The following SIPA1L2 variants were observed in gnomAD, a reference collection of about 807,000 sequenced individuals.
SIPA1L2 encodes the protein signal induced proliferation associated 1 like 2, also known as signal-induced proliferation-associated 1-like protein 2.
SIPA1L2 carries 56 observed loss-of-function variants against 163.9 expected under a neutral mutation model. The ratio of observed to expected loss-of-function variants is 0.34; its 90% confidence interval spans 0.28 to 0.43. The LOEUF is 0.43. Ranked by LOEUF, SIPA1L2 falls within the 20% of genes least tolerant of loss-of-function variation. SIPA1L2 has a pLI of 1.00. For synonymous variants in SIPA1L2, 877 were observed against 865.7 expected (o/e 1.01, Z -0.23); for missense variants, 1,974 against 2,193.5 (o/e 0.90, Z 2.00).
In SIPA1L2 at chr1:232,514,377, G is replaced by A. The variant is rs1667120231; in HGVS notation, c.963C>T (p.Arg321=). The stretch of plus-strand genomic sequence containing the variant: ...CAAAACATCGCTGACAATTCCAAGG[G>A]CGAATGCCCCTCTCCAGTCGGCTCT... ...LEESRLERGI[R]PWNCQRCFAH... is the part of the protein sequence containing the mutation. The change falls in exon 3 of 23, where the codon CGC becomes CGT. Residue 321 remains arginine, a synonymous_variant. Coordinates refer to ENST00000674635, the MANE Select transcript of SIPA1L2 (RefSeq NM_020808.5). 1 of 1,613,752 alleles carries A rather than the reference G, an allele frequency of 6.2e-7. No individual in the cohort carries two copies. The highest frequency in any genetic ancestry group is 8.5e-7 in the Non-Finnish European group (1 of 1,180,036).
At chr1:232,463,865 G>A (rs889158886) in intron 9 of SIPA1L2, among the ~76,000 whole-genome samples, 2 of 152,096 alleles carry the variant, frequency 1.3e-5, no homozygotes, top group African/African-American at 4.8e-5. Context: ...TGTAAACAGA[G>A]TCCACAAATA....
At chr1:232,564,974 G>A (rs1203197845) in intron 2 of SIPA1L2, among the ~76,000 whole-genome samples, 1 of 152,040 alleles carries the variant, frequency 6.6e-6, no homozygotes, top group Non-Finnish European at 1.5e-5. Flanking sequence ...CTAGATGACG[G>A]GTTGATAGGT....
chr1:232,621,983 C>T (rs964411377), intron 1 of SIPA1L2, among the ~76,000 whole-genome samples: 3 of 152,176 alleles, frequency 2.0e-5, no homozygotes, highest in African/African-American at 7.2e-5. Flanking sequence ...TTGCCTCAGC[C>T]TCCCAAAGCA....
At position 232,483,828 on chromosome 1, in the gene SIPA1L2, C is replaced by T; in HGVS notation, c.1945G>A (p.Gly649Arg). The T allele has an allele frequency of 6.2e-7, 1 of 1,614,006 alleles. No individual in the cohort carries two copies. Among genetic ancestry groups the T allele is most frequent in the Non-Finnish European group, 8.5e-7 (1 of 1,179,928 alleles). ...DLLGQRVRLK[G>R]FSKYRAQLDN... ...AGCTGAGCTCGATATTTACTAAATC[C>T]TTTCAGTCGGACTCTCTGGCCCAGA... The change falls in exon 6 of 23, where the codon GGA becomes AGA. Residue 649 changes from glycine to arginine, a missense_variant. Gly to Arg is a moderately radical substitution (Grantham distance 125). Around this residue, in one of 3 missense-constraint regions of SIPA1L2, gnomAD observed 288 missense variants for 418.9 expected, o/e 0.69. Transcript: ENST00000674635.
At chr1:232,404,877 C>T (rs939020212) in intron 19 of SIPA1L2, among the ~76,000 whole-genome samples, 2 of 152,146 alleles carry the variant, frequency 1.3e-5, no homozygotes, top group African/African-American at 2.4e-5. Flanking sequence ...TTTCTGAGCA[C>T]ACTTATGTAT....
intron 3 of SIPA1L2, among the ~76,000 whole-genome samples, chr1:232,507,906 A>C (rs914270917): frequency 3.3e-5 from 5 of 152,180 alleles, no homozygotes; most frequent in Non-Finnish European, 7.3e-5. Context: ...CATTTACATA[A>C]ATTTATTTGC....
intron 11 of SIPA1L2, among the ~76,000 whole-genome samples, chr1:232,444,726 A>C (rs1289657887): frequency 6.6e-6 from 1 of 152,202 alleles, no homozygotes; most frequent in African/African-American, 2.4e-5. Context: ...AGATGAAGAA[A>C]CTGGAGGTTC....
Position 232,539,926 on chromosome 1 carries a change from C to T in SIPA1L2, c.-269-24318G>A, listed in dbSNP as rs184605655. Among the ~76,000 whole-genome samples, 5 of 152,338 alleles carry T rather than the reference C, an allele frequency of 3.3e-5. No homozygotes were observed. In the East Asian group the frequency reaches 9.6e-4, roughly 29 times the overall value. On this transcript the variant is annotated intron_variant, in intron 2 of 22. Coordinates refer to ENST00000674635, the MANE Select transcript of SIPA1L2 (RefSeq NM_020808.5). ...TGAAAGGTCTGTGTCTAACTTGTTC[C>T]TGCAGTATGGAGAAAGCTGCATGGT... is the stretch of plus-strand genomic sequence containing the variant.
intron 1 of SIPA1L2, among the ~76,000 whole-genome samples, chr1:232,625,822 C>A (rs1663043521): frequency 6.6e-6 from 1 of 152,108 alleles, no homozygotes; most frequent in Non-Finnish European, 1.5e-5. Context: ...AAATCACCAC[C>A]CGTTACTTGC....
At chr1:232,489,251 G>A (rs1665806240) in intron 5 of SIPA1L2, among the ~76,000 whole-genome samples, 1 of 152,150 alleles carries the variant, frequency 6.6e-6, no homozygotes, top group South Asian at 2.1e-4. Flanking sequence ...CTTACAACAT[G>A]CAAATGAATG....
At chr1:232,408,633 A>G (rs556718609) in intron 19 of SIPA1L2, among the ~76,000 whole-genome samples, 2 of 152,266 alleles carry the variant, frequency 1.3e-5, no homozygotes, top group African/African-American at 4.8e-5. Flanking sequence ...TGTGTGGTTG[A>G]ACATTTTTCA....
At chr1:232,401,794 T>A (rs1660356920) in intron 22 of SIPA1L2, among the ~76,000 whole-genome samples, 1 of 152,114 alleles carries the variant, frequency 6.6e-6, no homozygotes, top group Non-Finnish European at 1.5e-5. Context: ...AACCAAACCA[T>A]CACAACAAAA....
chr1:232,491,082 G>A lies in SIPA1L2; in HGVS notation c.1618-20C>T. 2.5e-6 allele frequency: 4 copies of A among 1,600,520 alleles called. 1 individual carries two copies. Among genetic ancestry groups the A allele is most frequent in the Middle Eastern group, 1.7e-4 (1 of 5,966 alleles). ...TGTAAGCTGCAGTGACAAAACATAA[G>A]ACTTCGGTTAATATTGATTCTCAAT... is the stretch of plus-strand genomic sequence containing the variant. On this transcript the variant is annotated intron_variant, in intron 4 of 22. Transcript: ENST00000674635.
intron 2 of SIPA1L2, among the ~76,000 whole-genome samples, chr1:232,561,227 T>C (rs1659017374): frequency 6.6e-6 from 1 of 152,222 alleles, no homozygotes; most frequent in Non-Finnish European, 1.5e-5. Context: ...TTCTCAACTA[T>C]CTTCCCAACT....
intron 5 of SIPA1L2, among the ~76,000 whole-genome samples, chr1:232,484,217 G>A (rs1282541201): frequency 6.6e-6 from 1 of 152,130 alleles, no homozygotes; most frequent in East Asian, 1.9e-4. Context: ...GTGGCCATTT[G>A]GGATTTGCCA....
intron 18 of SIPA1L2, among the ~76,000 whole-genome samples, chr1:232,424,348 A>AAAAAAAG (rs1661762972): frequency 6.9e-6 from 1 of 145,676 alleles, no homozygotes; most frequent in Non-Finnish European, 1.5e-5. Context: ...AAAAAAAAAA[A>AAAAAAAG]AAGGACATAC....
At chr1:232,495,914 T>C (rs1156891996) in intron 3 of SIPA1L2, among the ~76,000 whole-genome samples, 1 of 152,202 alleles carries the variant, frequency 6.6e-6, no homozygotes, top group African/African-American at 2.4e-5. Context: ...AATTGTACAA[T>C]GTGTGCATTA....
intron 1 of SIPA1L2, among the ~76,000 whole-genome samples, chr1:232,595,209 T>C (rs1271544968): frequency 6.6e-6 from 1 of 152,152 alleles, no homozygotes; most frequent in Non-Finnish European, 1.5e-5. Context: ...GCCCTCAGTG[T>C]CTTCCCAGTC....
chr1:232,588,719 A>G (rs1233683115), intron 1 of SIPA1L2, among the ~76,000 whole-genome samples: 2 of 152,256 alleles, frequency 1.3e-5, no homozygotes, highest in East Asian at 3.8e-4. Flanking sequence ...TGGCAACCAC[A>G]GCTACATATC....
Sources: allele counts gnomAD v4.1 joint callset (sites outside exome capture counted in the v4.1 genomes callset), GRCh38; gene constraint gnomAD v4.1.1; regional missense constraint gnomAD v4.1.1; transcripts MANE v1.5; gene names NCBI Gene and HGNC (gene_info 2026-07-23, HGNC 2026-07-21).